AFG2A: variants seen among roughly 807,000 people sequenced by gnomAD.
AFG2A encodes the protein ATPase family gene 2 protein homolog A.
chr4:123,081,948 G>A, the AFG2A span, among the ~76,000 whole-genome samples: 1 of 152,182 alleles, frequency 6.6e-6, no homozygotes, highest in South Asian at 2.1e-4. Context: ...TTGGTGAAGT[G>A]TTTGTTCAGT....
the AFG2A span, among the ~76,000 whole-genome samples, chr4:123,307,590 G>A: frequency 1.4e-4 from 21 of 152,250 alleles, no homozygotes; most frequent in African/African-American, 4.3e-4. Flanking sequence ...GGAAAATCCC[G>A]TAATCTTAGG....
chr4:123,184,877 C>A, the AFG2A span, among the ~76,000 whole-genome samples: 1 of 152,158 alleles, frequency 6.6e-6, no homozygotes, highest in African/African-American at 2.4e-5. Flanking sequence ...CAGTGAAAAG[C>A]CATTAGTAAG....
At chr4:122,934,320 C>A in the AFG2A span, 2 of 1,614,088 alleles carry the variant, frequency 1.2e-6, no homozygotes, top group Non-Finnish European at 1.7e-6. Flanking sequence ...TGGAGGATAC[C>A]CAGATCCCAA....
the AFG2A span, among the ~76,000 whole-genome samples, chr4:123,004,358 C>T: frequency 2.6e-5 from 4 of 152,224 alleles, no homozygotes; most frequent in East Asian, 3.9e-4. Flanking sequence ...GAGATGAACC[C>T]GGTACCTCAG....
chr4:123,160,042 G>T, the AFG2A span, among the ~76,000 whole-genome samples: 6 of 151,692 alleles, frequency 4.0e-5, no homozygotes, highest in African/African-American at 1.5e-4. Context: ...TGTTGTTGTT[G>T]TTCAGAGACT....
At chr4:123,134,543 T>G in the AFG2A span, among the ~76,000 whole-genome samples, 3 of 151,856 alleles carry the variant, frequency 2.0e-5, no homozygotes, top group Non-Finnish European at 2.9e-5. Flanking sequence ...TTCTTTTTGG[T>G]CAAGATTATT....
the AFG2A span, among the ~76,000 whole-genome samples, chr4:123,310,929 G>A: frequency 1.8e-4 from 27 of 152,236 alleles, no homozygotes; most frequent in Middle Eastern, 3.4e-3. Context: ...TGTTTCTCCC[G>A]CCCTAGGACA....
chr4:123,031,772 T>A, the AFG2A span, among the ~76,000 whole-genome samples: 1 of 152,252 alleles, frequency 6.6e-6, no homozygotes, highest in Admixed American at 6.5e-5. Flanking sequence ...CCTCTAAGTT[T>A]ATGAAAGAAC....
the AFG2A span, among the ~76,000 whole-genome samples, chr4:123,123,163 G>C: frequency 6.6e-6 from 1 of 152,112 alleles, no homozygotes; most frequent in African/African-American, 2.4e-5. Flanking sequence ...AATATTCAGA[G>C]CATAAAACAA....
chr4:123,212,857 T>A, the AFG2A span, among the ~76,000 whole-genome samples: 1 of 152,192 alleles, frequency 6.6e-6, no homozygotes, highest in Admixed American at 6.6e-5. Flanking sequence ...GCTTTAATGT[T>A]ATCTTGCATA....
chr4:123,319,019 G>C, the AFG2A span: 2 of 152,112 alleles, frequency 1.3e-5, no homozygotes, highest in Non-Finnish European at 2.9e-5. Flanking sequence ...AGTTTGAATA[G>C]TACAATTTTT....
At chr4:123,115,978 C>T in the AFG2A span, among the ~76,000 whole-genome samples, 1 of 152,168 alleles carries the variant, frequency 6.6e-6, no homozygotes, top group Non-Finnish European at 1.5e-5. Context: ...TGGCTCACTG[C>T]AGCCTTGACC....
chr4:123,170,362 G>T, the AFG2A span, among the ~76,000 whole-genome samples: 1 of 152,162 alleles, frequency 6.6e-6, no homozygotes, highest in African/African-American at 2.4e-5. Flanking sequence ...ATTAATCAGT[G>T]TCTTTATTTT....
At chr4:122,930,948 T>TAA in the AFG2A span, among the ~76,000 whole-genome samples, 1 of 64,822 alleles carries the variant, frequency 1.5e-5, no homozygotes, top group South Asian at 5.9e-4. Flanking sequence ...ATCTTATGTT[T>TAA]TAAATGTGGC....
the AFG2A span, among the ~76,000 whole-genome samples, chr4:122,945,475 A>G: frequency 2.6e-5 from 4 of 152,204 alleles, no homozygotes; most frequent in Non-Finnish European, 5.9e-5. Context: ...CTCCTGGTGC[A>G]CCGTTTCCTA....
chr4:122,966,291 CTTA>C, the AFG2A span, among the ~76,000 whole-genome samples: 6 of 152,156 alleles, frequency 3.9e-5, no homozygotes, highest in Non-Finnish European at 7.4e-5. Flanking sequence ...AATCAGTAAA[CTTA>C]CCTATTGTTC....
At chr4:123,273,142 A>G in the AFG2A span, among the ~76,000 whole-genome samples, 1 of 152,092 alleles carries the variant, frequency 6.6e-6, no homozygotes, top group Non-Finnish European at 1.5e-5. Flanking sequence ...GGGTGGTTAA[A>G]CTCAGTCATC....
the AFG2A span, among the ~76,000 whole-genome samples, chr4:123,207,469 AC>A: frequency 6.6e-6 from 1 of 151,878 alleles, no homozygotes; most frequent in African/African-American, 2.4e-5. Context: ...ACACGCCACC[AC>A]ACCCAGCTAA....
At chr4:123,007,581 TG>T in the AFG2A span, among the ~76,000 whole-genome samples, 4 of 2,736 alleles carry the variant, frequency 1.5e-3, no homozygotes, top group Non-Finnish European at 3.2e-3. Flanking sequence ...TGTGTGTGTG[TG>T]TGTGTGTGTG....
Sources: gnomAD v4.1 joint callset for allele counts (sites outside exome capture counted in the v4.1 genomes callset) on GRCh38, gnomAD v4.1.1 for gene constraint, MANE v1.5 for transcripts, NCBI Gene and HGNC (gene_info 2026-07-23, HGNC 2026-07-21) for gene names.